Variants in ZMYM1 observed in about 807,000 individuals in gnomAD.
The protein encoded by ZMYM1 is zinc finger MYM-type protein 1.
Under a neutral mutation model 60.0 loss-of-function variants are expected in ZMYM1, and 39 were observed. The ratio of observed to expected loss-of-function variants is 0.65; its 90% CI spans 0.50 to 0.85. The LOEUF is 0.85. Ranked by LOEUF, ZMYM1 falls within the 40% of genes least tolerant of loss-of-function variation. The pLI, the probability that ZMYM1 is intolerant of heterozygous loss-of-function variation, is 0.00. For missense variants in ZMYM1, 1,171 were observed against 1,309.5 expected (o/e 0.89, Z 1.63); for synonymous variants, 413 against 454.0 (o/e 0.91, Z 1.15).
chr1:35,106,203 T>C (rs1378720906), intron 6 of ZMYM1, among the ~76,000 whole-genome samples: 2 of 152,138 alleles, frequency 1.3e-5, no homozygotes, highest in East Asian at 3.9e-4. Flanking sequence ...TCTGGGTGGG[T>C]GCTTCTGAGA....
chr1:35,088,972 C>T (rs925852069), intron 1 of ZMYM1, among the ~76,000 whole-genome samples: 3 of 151,728 alleles, frequency 2.0e-5, no homozygotes, highest in African/African-American at 4.8e-5. Context: ...CCACCACGCC[C>T]GGCTAATTTT....
chr1:35,090,344 A>G (rs1642930066), intron 1 of ZMYM1, among the ~76,000 whole-genome samples: 1 of 152,154 alleles, frequency 6.6e-6, no homozygotes, highest in Non-Finnish European at 1.5e-5. Flanking sequence ...AGTAGGCCTC[A>G]GTCAAGGAAA....
chr1:35,072,134 C>G (rs1260733606), intron 1 of ZMYM1, among the ~76,000 whole-genome samples: 1 of 152,014 alleles, frequency 6.6e-6, no homozygotes, highest in Non-Finnish European at 1.5e-5. Flanking sequence ...AACTCCATGT[C>G]AAAAAATAAA....
Position 35,113,668 on chromosome 1 carries a change from A to G in ZMYM1, c.1838A>G (p.Asn613Ser), listed in dbSNP as rs1225911387. The G allele has an allele frequency of 6.2e-7, 1 of 1,613,460 alleles. No individual in the cohort carries two copies. The highest frequency in any genetic ancestry group is 1.3e-5 in the African/African-American group (1 of 74,904). Reference sequence around the variant, plus strand: ...ATGAATTCACAAGTTGACTTCTATAACAGTACACAAATTCAAAGTGATATT... The same window carrying G: ...ATGAATTCACAAGTTGACTTCTATAGCAGTACACAAATTCAAAGTGATATT... ...RLMNSQVDFYNSTQIQSDIIE... is the reference protein window; with the variant it reads ...RLMNSQVDFYSSTQIQSDIIE... The change falls in exon 10 of 10, where the codon AAC becomes AGC. Residue 613 changes from asparagine to serine, a missense_variant. Transcript: ENST00000359858.
chr1:35,082,278 C>A (rs1642427053), intron 1 of ZMYM1, among the ~76,000 whole-genome samples: 1 of 151,576 alleles, frequency 6.6e-6, no homozygotes, highest in African/African-American at 2.4e-5. Context: ...GGGGAGGTTC[C>A]TTAGAGTTTT....
intron 8 of ZMYM1, 72 bp from the exon 9 acceptor site, chr1:35,112,015 C>T (rs1291566788): frequency 3.2e-6 from 5 of 1,555,822 alleles, no homozygotes; most frequent in Admixed American, 1.9e-5. Flanking sequence ...ATGAAATAAG[C>T]AAATATAGTT....
intron 1 of ZMYM1, among the ~76,000 whole-genome samples, chr1:35,069,608 T>C (rs1448467656): frequency 2.0e-5 from 3 of 152,228 alleles, no homozygotes; most frequent in Non-Finnish European, 2.9e-5. Flanking sequence ...ATTTGTCTAT[T>C]TTTGTTTTTG....
chr1:35,092,108 T>C (rs1298374382), intron 1 of ZMYM1, among the ~76,000 whole-genome samples: 1 of 152,068 alleles, frequency 6.6e-6, no homozygotes, highest in Non-Finnish European at 1.5e-5. Context: ...GTATTTTTAG[T>C]AGAGACAGGG....
At chr1:35,077,224 C>T (rs1169190251), upstream of ZMYM1, among the ~76,000 whole-genome samples, 1 of 151,956 alleles carries the variant, frequency 6.6e-6, no homozygotes. Context: ...ACTCAACTCC[C>T]AAGGAAGTTA....
At chr1:35,089,330 A>G (rs1012078325) in intron 1 of ZMYM1, among the ~76,000 whole-genome samples, 1 of 152,184 alleles carries the variant, frequency 6.6e-6, no homozygotes, top group African/African-American at 2.4e-5. Context: ...AAGGGAATCT[A>G]CCTAATGACA....
chr1:35,084,860 C>T (rs1642574324), intron 1 of ZMYM1, among the ~76,000 whole-genome samples: 1 of 151,916 alleles, frequency 6.6e-6, no homozygotes, highest in South Asian at 2.1e-4. Flanking sequence ...TCTTGAGTTC[C>T]AGCTACTTTA....
chr1:35,087,839 G>C (rs537760723), intron 1 of ZMYM1, among the ~76,000 whole-genome samples: 13 of 152,130 alleles, frequency 8.5e-5, no homozygotes, highest in African/African-American at 3.1e-4. Flanking sequence ...GAGGCCGGTG[G>C]ATCATGAGGT....
intron 2 of ZMYM1, among the ~76,000 whole-genome samples, chr1:35,094,463 A>T (rs1025395584): frequency 1.1e-4 from 17 of 152,050 alleles, no homozygotes; most frequent in Admixed American, 2.0e-4. Flanking sequence ...TATGTAAATT[A>T]AAAAAAATTT....
intron 1 of ZMYM1, among the ~76,000 whole-genome samples, chr1:35,081,357 T>C (rs1642378276): frequency 6.6e-6 from 1 of 152,242 alleles, no homozygotes; most frequent in African/African-American, 2.4e-5. Flanking sequence ...TTACTGTAGC[T>C]TTATAAGCCC....
intron 1 of ZMYM1, among the ~76,000 whole-genome samples, chr1:35,067,106 G>A (rs967707084): frequency 6.6e-6 from 1 of 152,002 alleles, no homozygotes; most frequent in African/African-American, 2.4e-5. Flanking sequence ...AGCCTCCTGA[G>A]TAGCTGGGAT....
At chr1:35,112,507 A>T (rs2148570980) in intron 9 of ZMYM1, among the ~76,000 whole-genome samples, 1 of 145,612 alleles carries the variant, frequency 6.9e-6, no homozygotes, top group East Asian at 2.0e-4. Context: ...TATAATATAT[A>T]CTATAATATA....
intron 1 of ZMYM1, among the ~76,000 whole-genome samples, chr1:35,089,973 C>T (rs1262589929): frequency 2.0e-5 from 3 of 148,310 alleles, no homozygotes; most frequent in South Asian, 2.1e-4. Context: ...GGCGCGATCT[C>T]GGCTCACTGC....
intron 2 of ZMYM1, among the ~76,000 whole-genome samples, chr1:35,094,673 A>C (rs1370932320): frequency 6.6e-6 from 1 of 152,078 alleles, no homozygotes; most frequent in Non-Finnish European, 1.5e-5. Flanking sequence ...GGATGACAAG[A>C]CCTTGTCTCT....
upstream of ZMYM1, among the ~76,000 whole-genome samples, chr1:35,074,569 C>T (rs536470813): frequency 1.2e-4 from 18 of 152,034 alleles, no homozygotes; most frequent in African/African-American, 3.9e-4. Context: ...CCACCATGTC[C>T]AGCTAATTTT....
Sources: allele counts gnomAD v4.1 joint callset (sites outside exome capture counted in the v4.1 genomes callset), GRCh38; gene constraint gnomAD v4.1.1; transcripts MANE v1.5; gene names NCBI Gene and HGNC (gene_info 2026-07-23, HGNC 2026-07-21).